APOO: variants seen among roughly 807,000 people sequenced by gnomAD.
The protein encoded by APOO is apolipoprotein O, also known as MICOS complex subunit MIC26.
Under a neutral mutation model 23.1 loss-of-function variants are expected in APOO, and 11 were observed. The ratio of observed to expected loss-of-function variants is 0.48; its 90% CI spans 0.30 to 0.79. APOO has a LOEUF of 0.79. Among genes scored for constraint, APOO ranks in the 30% least tolerant of loss-of-function variants. The pLI is 0.07. For missense variants in APOO, 160 were observed against 142.7 expected, an observed-to-expected ratio of 1.12 and a Z score of -0.62; for synonymous variants, 59 against 54.8, an observed-to-expected ratio of 1.08 and a Z score of -0.34.
At chrX:23,834,247 T>G (rs1338603672) in intron 8 of APOO, among the ~76,000 whole-genome samples, 2 of 107,379 alleles carry the variant, frequency 1.9e-5, no homozygotes, top group Non-Finnish European at 3.8e-5. Flanking sequence ...ATACAAAAAA[T>G]TAGCCGGGCA....
chrX:23,846,292 C>T (rs1478955369), intron 7 of APOO, among the ~76,000 whole-genome samples: 1 of 80,967 alleles, frequency 1.2e-5, no homozygotes, highest in Non-Finnish European at 2.2e-5. Context: ...GCCTGGGCGA[C>T]AGAGCGAGAC....
At chrX:23,858,465 G>A (rs1924872586) in intron 6 of APOO, among the ~76,000 whole-genome samples, 177 bp downstream of exon 6, 1 of 112,136 alleles carries the variant, frequency 8.9e-6, no homozygotes, top group Non-Finnish European at 1.9e-5. Flanking sequence ...TGGAAGAAGG[G>A]CCAGAACTGA....
intron 4 of APOO, among the ~76,000 whole-genome samples, chrX:23,870,313 C>G (rs1480221812): frequency 9.0e-6 from 1 of 111,406 alleles, no homozygotes; most frequent in East Asian, 2.8e-4. Flanking sequence ...AAAGTCCCAT[C>G]ATATTTATTC....
intron 1 of APOO, among the ~76,000 whole-genome samples, chrX:23,882,288 G>A (rs1401288347): frequency 8.9e-6 from 1 of 111,898 alleles, no homozygotes; most frequent in Non-Finnish European, 1.9e-5. Context: ...TCTGAAATAT[G>A]GGAATTTGCA....
At chrX:23,856,098 T>C (rs868786579) in intron 7 of APOO, among the ~76,000 whole-genome samples, 1 of 112,130 alleles carries the variant, frequency 8.9e-6, no homozygotes, top group South Asian at 3.6e-4. Context: ...GGTCACCACT[T>C]ATTTGGCCCT....
intron 1 of APOO, among the ~76,000 whole-genome samples, chrX:23,902,607 G>A (rs1191766482): frequency 8.9e-6 from 1 of 111,828 alleles, no homozygotes; most frequent in African/African-American, 3.3e-5. Context: ...TGCAAATACT[G>A]GGCAGCTTTT....
intron 4 of APOO, among the ~76,000 whole-genome samples, chrX:23,869,640 G>GAAAAAAA (rs761388017): frequency 1.2e-4 from 4 of 33,894 alleles, no homozygotes; most frequent in African/African-American, 3.5e-4. Context: ...CTCTTAAAAA[G>GAAAAAAA]AAAAAAAAAA....
chrX:23,897,661 C>T (rs1270207120), intron 1 of APOO, among the ~76,000 whole-genome samples: 1 of 111,627 alleles, frequency 9.0e-6, no homozygotes, highest in Non-Finnish European at 1.9e-5. Flanking sequence ...ATAAAATGTA[C>T]ATCATTTAAT....
chrX:23,868,116 T>C (rs1326086349), intron 5 of APOO, among the ~76,000 whole-genome samples: 1 of 112,492 alleles, frequency 8.9e-6, no homozygotes, highest in Non-Finnish European at 1.9e-5. Context: ...TATTTTATAA[T>C]CTAGCAGTAT....
At chrX:23,852,116 G>A (rs1298085981) in intron 7 of APOO, among the ~76,000 whole-genome samples, 4 of 110,249 alleles carry the variant, frequency 3.6e-5, no homozygotes, top group Non-Finnish European at 7.6e-5. Context: ...TAGAGACGGG[G>A]GTGCGCCATG....
intron 1 of APOO, among the ~76,000 whole-genome samples, chrX:23,881,708 G>C (rs58380851): frequency 0.11 from 11,679 of 103,260 alleles, 864 homozygotes; most frequent in South Asian, 0.51. Flanking sequence ...GCAGAGGCGG[G>C]TGGGTGGATC....
chrX:23,877,193 T>A (rs769264653), intron 3 of APOO, among the ~76,000 whole-genome samples: 1 of 112,143 alleles, frequency 8.9e-6, no homozygotes, highest in African/African-American at 3.2e-5. Context: ...CATGCCTACA[T>A]GATACAAAAA....
At position 23,907,764 on chromosome X, in the gene APOO, G is replaced by A; in HGVS notation, c.-62C>T. On this transcript the variant is annotated 5_prime_UTR_variant, in exon 1 of 9. Coordinates refer to ENST00000379226, the MANE Select transcript of APOO (RefSeq NM_024122.5). ...GCCTCGGCCACGCCCACTATAGAGAGGTGACTACGGAGGCCCGGTAGGGCC... is the reference window on the plus strand; with the variant it reads ...GCCTCGGCCACGCCCACTATAGAGAAGTGACTACGGAGGCCCGGTAGGGCC... The A allele has an allele frequency of 3.6e-6, 4 of 1,124,110 alleles. No individual in the cohort carries two copies. The highest frequency in any genetic ancestry group is 2.9e-5 in the Admixed American group (1 of 34,894). The allele number at this position is 1,124,110 out of a possible 1,213,427, so 92.6% of individuals were successfully genotyped here.
At chrX:23,856,066 G>A (rs943368235) in intron 7 of APOO, among the ~76,000 whole-genome samples, 3 of 111,782 alleles carry the variant, frequency 2.7e-5, no homozygotes, top group African/African-American at 6.5e-5. Context: ...CTAAGACTAC[G>A]GTGGAATGCA....
At chrX:23,851,216 T>G (rs1393868956) in intron 7 of APOO, among the ~76,000 whole-genome samples, 1 of 107,075 alleles carries the variant, frequency 9.3e-6, no homozygotes, top group African/African-American at 3.4e-5. Flanking sequence ...TTTTTTGAGA[T>G]GGAGTCTTGT....
intron 1 of APOO, among the ~76,000 whole-genome samples, chrX:23,888,109 T>A (rs946224844): frequency 8.9e-6 from 1 of 112,299 alleles, no homozygotes; most frequent in Non-Finnish European, 1.9e-5. Context: ...CCCAGCAAAG[T>A]ATCAAGGTAC....
intron 8 of APOO, among the ~76,000 whole-genome samples, chrX:23,838,823 A>G (rs1343052895): frequency 1.8e-5 from 2 of 112,134 alleles, no homozygotes; most frequent in African/African-American, 6.5e-5. Flanking sequence ...TAAAAACAAT[A>G]AAGAATGAAG....
At chrX:23,874,555 C>G in intron 3 of APOO, 98 bp from the exon 4 acceptor site, 1 of 746,420 alleles carries the variant, frequency 1.3e-6, no homozygotes, top group Non-Finnish European at 2.1e-6. Context: ...AATAAATTAT[C>G]ATGTTATTAA....
intron 1 of APOO, among the ~76,000 whole-genome samples, chrX:23,888,618 C>T (rs965381017): frequency 1.8e-5 from 2 of 110,478 alleles, no homozygotes; most frequent in African/African-American, 6.6e-5. Context: ...TTTGGGAGGC[C>T]GAGGCAGGTG....
Sources: gnomAD v4.1 joint callset for allele counts (sites outside exome capture counted in the v4.1 genomes callset) on GRCh38, gnomAD v4.1.1 for gene constraint, MANE v1.5 for transcripts, NCBI Gene and HGNC (gene_info 2026-07-23, HGNC 2026-07-21) for gene names.